Variants in CDHR1 observed in about 807,000 individuals in gnomAD.
The protein encoded by CDHR1 is cadherin-related family member 1.
Under a neutral mutation model 72.1 loss-of-function variants are expected in CDHR1, and 61 were observed. The observed-to-expected ratio is 0.85, with a 90% confidence interval of 0.69 to 1.05. The LOEUF (loss-of-function observed/expected upper bound fraction) is 1.05. Among genes scored for constraint, CDHR1 ranks in the 50% least tolerant of loss-of-function variants. The pLI is 0.00. For missense variants in CDHR1, 1,186 were observed against 1,115.7 expected (o/e 1.06, Z -0.90); for synonymous variants, 470 against 448.1 (o/e 1.05, Z -0.62).
Position 84,217,711 on chromosome 10 carries a change from C to T in CDHR1, c.*3090C>T. On this transcript the variant is annotated 3_prime_UTR_variant, in exon 17 of 17. Coordinates refer to ENST00000623527, the MANE Select transcript of CDHR1 (RefSeq NM_033100.4). ...ACCCCCTCCATGCATCCTCACCCCC[C>T]AGGATGTTTCCACCCACCTGTAGGT... 2.0e-6 allele frequency: 2 copies of T among 985,562 alleles called. No homozygotes were observed. Among genetic ancestry groups the T allele is most frequent in the Non-Finnish European group, 2.4e-6 (2 of 830,032 alleles). 61.1% of individuals were successfully genotyped at this position (985,562 alleles called of 1,614,324 possible).
chr10:84,215,873 C>G lies in CDHR1; in HGVS notation c.*1252C>G. The stretch of plus-strand genomic sequence containing the variant: ...TCTTCCCTCACTCCATCCCCGCTAC[C>G]GTCCTGGCCAGCTACCGTCAGAGAG... On this transcript the variant is annotated 3_prime_UTR_variant, in exon 17 of 17. Transcript: ENST00000623527. The G allele has an allele frequency of 2.0e-6, 2 of 985,530 alleles. No individual in the cohort carries two copies. The highest frequency in any genetic ancestry group is 2.4e-6 in the Non-Finnish European group (2 of 829,996). The allele number at this position is 985,530 out of a possible 1,614,324, so 61.0% of individuals were successfully genotyped here.
Position 84,218,232 on chromosome 10 carries a change from G to C in CDHR1, c.*3611G>C. On this transcript the variant is annotated 3_prime_UTR_variant, in exon 17 of 17. Transcript: ENST00000623527. The stretch of plus-strand genomic sequence containing the variant: ...AGGAAACTCACAAACAACCTAGGGA[G>C]GGGTTCTCTGAAGGGCCTAGTTTCC... 2 of 985,450 alleles carry C rather than the reference G, an allele frequency of 2.0e-6. No individual in the cohort carries two copies. Among genetic ancestry groups the C allele is most frequent in the South Asian group, 4.7e-5 (1 of 21,284 alleles). 61.0% of individuals were successfully genotyped at this position (985,450 alleles called of 1,614,324 possible). A position where few individuals can be genotyped will look rare whatever the true frequency, so the allele number is the denominator to read the frequency against.
Position 84,211,782 on chromosome 10 carries a change from G to A in CDHR1, c.1553+67G>A, listed in dbSNP as rs534525263. 7.9e-6 allele frequency: 11 copies of A among 1,388,508 alleles called. No homozygotes were observed. The South Asian group carries it at 1.0e-4, about 13-fold the overall frequency. 86.0% of individuals were successfully genotyped at this position (1,388,508 alleles called of 1,614,324 possible). Reference sequence around the variant, plus strand: ...GATTGGAAGGCTGAGGGTGGAGGAGGTCTGTGGCAGAGGCAGGAGGGGCCT... The same window carrying A: ...GATTGGAAGGCTGAGGGTGGAGGAGATCTGTGGCAGAGGCAGGAGGGGCCT... On this transcript the variant is annotated intron_variant, in intron 14 of 16. Coordinates refer to ENST00000623527, the MANE Select transcript of CDHR1 (RefSeq NM_033100.4).
Position 84,214,153 on chromosome 10 carries a change from G to T in CDHR1, c.2112G>T (p.Val704=). ...ACAACCCCATGAAGGCCGTGGGTGT[G>T]CTGGCCGGCACCATGGCCACCGTCG... ...TKDNPMKAVG[V]LAGTMATVVA... Residue 704 remains valine, a synonymous_variant, in exon 17 of 17, where the codon GTG becomes GTT. Coordinates refer to ENST00000623527, the MANE Select transcript of CDHR1 (RefSeq NM_033100.4). 1 of 1,614,168 alleles carries T rather than the reference G, an allele frequency of 6.2e-7. No individual in the cohort carries two copies. The highest frequency in any genetic ancestry group is 1.7e-5 in the Admixed American group (1 of 60,024).
chr10:84,212,940 C>T, intron 15 of CDHR1, 151 bp from the exon 16 acceptor site: 1 of 942,238 alleles, frequency 1.1e-6, no homozygotes, highest in East Asian at 2.5e-5. Flanking sequence ...GGAGAGCATG[C>T]ATTCTGTTCC....
rs1412093692 is a variant in CDHR1, at chr10:84,197,841, G to T, written c.348+5G>T. 6.2e-7 allele frequency: 1 copy of T among 1,613,390 alleles called. No homozygotes were observed. Among genetic ancestry groups the T allele is most frequent in the Non-Finnish European group, 8.5e-7 (1 of 1,179,544 alleles). On this transcript the variant is annotated splice_donor_5th_base_variant and intron_variant, in intron 4 of 16. Coordinates refer to ENST00000623527, the MANE Select transcript of CDHR1 (RefSeq NM_033100.4). Reference sequence around the variant, plus strand: ...ATTTCTGATGGCCTGAATCTGGTGAGTGCACGTCCAAGGCAGTCCCTGGCA... The same window carrying T: ...ATTTCTGATGGCCTGAATCTGGTGATTGCACGTCCAAGGCAGTCCCTGGCA...
rs1842435263 is a variant in CDHR1, at chr10:84,216,958, G to A, written c.*2337G>A. 1.0e-6 allele frequency: 1 copy of A among 985,492 alleles called. No individual in the cohort carries two copies. Among genetic ancestry groups the A allele is most frequent in the African/African-American group, 1.7e-5 (1 of 57,370 alleles). The allele number at this position is 985,492 out of a possible 1,614,324, so 61.0% of individuals were successfully genotyped here. A position where few individuals can be genotyped will look rare whatever the true frequency, so the allele number is the denominator to read the frequency against. On this transcript the variant is annotated 3_prime_UTR_variant, in exon 17 of 17. Transcript: ENST00000623527. ...CTAGGCTGGAAGCTTGGGCTTGCAAGTGGATCCGGGACCGAGGGTGGTCTC... is the reference window on the plus strand; with the variant it reads ...CTAGGCTGGAAGCTTGGGCTTGCAAATGGATCCGGGACCGAGGGTGGTCTC...
intron 5 of CDHR1, among the ~76,000 whole-genome samples, chr10:84,199,668 A>G (rs909500781): frequency 6.6e-6 from 1 of 152,210 alleles, no homozygotes; most frequent in Admixed American, 6.5e-5. Flanking sequence ...CATGAGACAC[A>G]TCAACTTCTG....
In CDHR1 at chr10:84,214,177, C is replaced by T. The variant is rs1250877654; in HGVS notation, c.2136C>T (p.Val712=). ...TGCTGGCCGGCACCATGGCCACCGT[C>T]GTGGCCATCACTGTCCTCATCTCCA... ...VGVLAGTMAT[V]VAITVLISTA... The change falls in exon 17 of 17, where the codon GTC becomes GTT. Residue 712 remains valine, a synonymous_variant. Coordinates refer to ENST00000623527, the MANE Select transcript of CDHR1 (RefSeq NM_033100.4). 2 of 1,614,130 alleles carry T rather than the reference C, an allele frequency of 1.2e-6. No individual in the cohort carries two copies. Among genetic ancestry groups the T allele is most frequent in the Non-Finnish European group, 1.7e-6 (2 of 1,180,030 alleles).
Position 84,208,891 on chromosome 10 carries a change from G to A in CDHR1, c.1320+10G>A. On this transcript the variant is annotated intron_variant, in intron 12 of 16. Coordinates refer to ENST00000623527, the MANE Select transcript of CDHR1 (RefSeq NM_033100.4). ...AGTATTAACCTTCAAGGTAGGTGGTGCCCTGAATTCACTGCCCTGAATGGG... is the reference window on the plus strand; with the variant it reads ...AGTATTAACCTTCAAGGTAGGTGGTACCCTGAATTCACTGCCCTGAATGGG... The A allele has an allele frequency of 6.2e-7, 1 of 1,612,850 alleles. No homozygotes were observed. The highest frequency in any genetic ancestry group is 8.5e-7 in the Non-Finnish European group (1 of 1,179,294).
chr10:84,214,376 A>T lies in CDHR1; in HGVS notation c.2335A>T (p.Asn779Tyr). The T allele has an allele frequency of 6.2e-7, 1 of 1,614,096 alleles. No homozygotes were observed. The highest frequency in any genetic ancestry group is 1.7e-4 in the Middle Eastern group (1 of 6,060). The change falls in exon 17 of 17, where the codon AAC (asparagine) becomes TAC (tyrosine). Residue 779 changes from asparagine to tyrosine, a missense_variant. By Grantham distance (143) the Asn-to-Tyr change is moderately radical. Coordinates refer to ENST00000623527, the MANE Select transcript of CDHR1 (RefSeq NM_033100.4). ...AGAGAAACCTCCCAATGAGAACTGTAACAACAACAGCCCAGAAAGCTCTCT... is the reference window on the plus strand; with the variant it reads ...AGAGAAACCTCCCAATGAGAACTGTTACAACAACAGCCCAGAAAGCTCTCT... Reference protein sequence around the residue: ...LKEKPPNENCNNNSPESSLLP... With the variant: ...LKEKPPNENCYNNSPESSLLP...
chr10:84,210,870 G>A, intron 12 of CDHR1, 131 bp from the exon 13 acceptor site: 1 of 988,002 alleles, frequency 1.0e-6, no homozygotes, highest in East Asian at 2.4e-5. Flanking sequence ...GGAATAGCTG[G>A]TTGGCAGCTG....
chr10:84,208,087 G>T, intron 10 of CDHR1, 87 bp from the exon 11 acceptor site: 2 of 1,186,962 alleles, frequency 1.7e-6, no homozygotes, highest in South Asian at 1.2e-5. Flanking sequence ...AAACGGAGGG[G>T]ATTATACATT....
intron 4 of CDHR1, 140 bp downstream of exon 4, chr10:84,197,976 G>T: frequency 1.3e-6 from 1 of 785,300 alleles, no homozygotes; most frequent in Non-Finnish European, 2.2e-6. Flanking sequence ...CCTGCCCAAA[G>T]TGCCCACAGG....
At chr10:84,196,865 G>T (rs986647507) in intron 3 of CDHR1, among the ~76,000 whole-genome samples, 2 of 152,236 alleles carry the variant, frequency 1.3e-5, no homozygotes, top group Non-Finnish European at 2.9e-5. Context: ...AGAGCGAAGA[G>T]TGGGCTCCTT....
At chr10:84,198,990 G>A in intron 4 of CDHR1, 42 bp from the exon 5 acceptor site, 1 of 1,442,642 alleles carries the variant, frequency 6.9e-7, no homozygotes, top group Non-Finnish European at 9.5e-7. Context: ...TCCTTCAGAA[G>A]GTCTCATTGC....
At chr10:84,196,125 G>T (rs1842025777) in intron 2 of CDHR1, among the ~76,000 whole-genome samples, 1 of 152,156 alleles carries the variant, frequency 6.6e-6, no homozygotes, top group Admixed American at 6.5e-5. Context: ...TGCCTTAATG[G>T]CTGCTCCCAT....
At chr10:84,213,436 C>G (rs1409594355) in intron 16 of CDHR1, 88 bp downstream of exon 16, 13 of 1,551,844 alleles carry the variant, frequency 8.4e-6, no homozygotes, top group Non-Finnish European at 1.2e-5. Context: ...AGGACCATCT[C>G]CAGGCTTCCT....
chr10:84,194,765 G>C lies in CDHR1; in HGVS notation c.5G>C (p.Arg2Thr), dbSNP rs1306415964. M[R>T]RCRWAALALG... Reference sequence around the variant, plus strand: ...ACACTCCGCGCCGGCGGAGACATGAGGCGCTGCCGGTGGGCCGCCCTGGCC... The same window carrying C: ...ACACTCCGCGCCGGCGGAGACATGACGCGCTGCCGGTGGGCCGCCCTGGCC... The change falls in exon 1 of 17, where the codon AGG (arginine) becomes ACG (threonine). Residue 2 changes from arginine to threonine, a missense_variant. Transcript: ENST00000623527. 6.6e-7 allele frequency: 1 copy of C among 1,520,986 alleles called. No homozygotes were observed. The highest frequency in any genetic ancestry group is 2.5e-5 in the East Asian group (1 of 39,538). 94.2% of individuals were successfully genotyped at this position (1,520,986 alleles called of 1,614,324 possible).
Sources: allele counts gnomAD v4.1 joint callset (sites outside exome capture counted in the v4.1 genomes callset), GRCh38; gene constraint gnomAD v4.1.1; transcripts MANE v1.5; gene names NCBI Gene and HGNC (gene_info 2026-07-23, HGNC 2026-07-21).